Variants in HIP1 observed in about 807,000 individuals in gnomAD.
HIP1 encodes huntingtin interacting protein 1, also known as huntingtin-interacting protein 1.
A neutral mutation model predicts 147.6 loss-of-function variants in HIP1; 65 were observed. The observed-to-expected ratio is 0.44, with a 90% confidence interval of 0.36 to 0.54. The LOEUF (loss-of-function observed/expected upper bound fraction) is 0.54. Ranked by LOEUF, HIP1 falls within the 20% of genes least tolerant of loss-of-function variation. The pLI, the probability that HIP1 is intolerant of heterozygous loss-of-function variation, is 0.00. For synonymous variants in HIP1, 479 were observed against 504.0 expected (o/e 0.95, Z 0.67); for missense variants, 1,061 against 1,299.6 (o/e 0.82, Z 2.82).
At chr7:75,593,897 C>G (rs1291087998) in intron 2 of HIP1, among the ~76,000 whole-genome samples, 1 of 151,940 alleles carries the variant, frequency 6.6e-6, no homozygotes, top group Non-Finnish European at 1.5e-5. Context: ...ACCTTAAATT[C>G]CCCATATATG....
chr7:75,549,372 CTTTTTTTTTT>C (rs60654435), intron 22 of HIP1, among the ~76,000 whole-genome samples: 1 of 121,200 alleles, frequency 8.3e-6, no homozygotes, highest in Non-Finnish European at 1.8e-5. Context: ...CTTTTCTTTT[CTTTTTTTTTT>C]TTTTTTGAGA....
chr7:75,738,676 C>T (rs1211927955), intron 1 of HIP1, 125 bp downstream of exon 1: 10 of 1,196,002 alleles, frequency 8.4e-6, no homozygotes, highest in African/African-American at 1.5e-5. Context: ...TCAATGCCCC[C>T]GCTCACTACA....
chr7:75,722,572 A>G (rs1554521688), intron 1 of HIP1, among the ~76,000 whole-genome samples: 1 of 152,118 alleles, frequency 6.6e-6, no homozygotes, highest in African/African-American at 2.4e-5. Flanking sequence ...GACCACCACC[A>G]TGAGCCTGAG....
At chr7:75,695,847 T>A (rs1800617862) in intron 1 of HIP1, among the ~76,000 whole-genome samples, 1 of 151,924 alleles carries the variant, frequency 6.6e-6, no homozygotes, top group South Asian at 2.1e-4. Context: ...AGTGCTGGGA[T>A]TACAGGCATG....
chr7:75,651,035 G>A (rs574256957), intron 1 of HIP1, among the ~76,000 whole-genome samples: 26 of 152,144 alleles, frequency 1.7e-4, no homozygotes, highest in Admixed American at 1.0e-3. Context: ...TATTCATCCC[G>A]CACATTTCTT....
intron 1 of HIP1, among the ~76,000 whole-genome samples, chr7:75,615,957 G>T (rs1234153877): frequency 6.6e-6 from 1 of 150,536 alleles, no homozygotes; most frequent in Non-Finnish European, 1.5e-5. Context: ...GTGATGGTGC[G>T]CACCTGTAGT....
At chr7:75,549,901 C>T (rs1311765319) in intron 22 of HIP1, among the ~76,000 whole-genome samples, 2 of 150,914 alleles carry the variant, frequency 1.3e-5, no homozygotes, top group African/African-American at 4.9e-5. Flanking sequence ...GTCTTGAATT[C>T]CTGGGCTCAA....
intron 29 of HIP1, among the ~76,000 whole-genome samples, chr7:75,541,064 G>A (rs782246126): frequency 6.7e-6 from 1 of 149,954 alleles, no homozygotes; most frequent in East Asian, 2.0e-4. Flanking sequence ...CAGGAGTTGA[G>A]ACCAGCCTGG....
intron 1 of HIP1, among the ~76,000 whole-genome samples, chr7:75,646,974 T>C (rs1267644876): frequency 1.3e-5 from 2 of 151,878 alleles, no homozygotes; most frequent in Admixed American, 6.6e-5. Flanking sequence ...ATAAGGTGCC[T>C]GGAAGTGGAC....
chr7:75,537,679 A>ACGCCGT lies in HIP1; in HGVS notation c.*492_*493insACGGCG. On this transcript the variant is annotated 3_prime_UTR_variant, in exon 31 of 31. Transcript: ENST00000336926. ...ATCTCAGGGTAGTGTCCTGGTTTGG[A>ACGCCGT]ATCCATCAGCCCTCTGATGCTCACA... is the stretch of plus-strand genomic sequence containing the variant. 1 of 243,440 alleles carries ACGCCGT rather than the reference A, an allele frequency of 4.1e-6. No individual in the cohort carries two copies. The highest frequency in any genetic ancestry group is 8.1e-6 in the Non-Finnish European group (1 of 124,178). 15.1% of individuals were successfully genotyped at this position (243,440 alleles called of 1,614,324 possible).
At position 75,534,439 on chromosome 7, in the gene HIP1, CTTT is replaced by C. The variant is rs782284084; in HGVS notation, c.*3730_*3732del. The C allele has an allele frequency of 1.8e-5, 3 of 167,726 alleles. No homozygotes were observed. The highest frequency in any genetic ancestry group is 3.8e-5 in the Non-Finnish European group (3 of 78,934). The allele number at this position is 167,726 out of a possible 1,614,324, so 10.4% of individuals were successfully genotyped here. ...CTTCTATTTCTTTCTCTCTCTCTCT[CTTT>C]TTTTTTTTTGAGATGGAGTCTCACT... On this transcript the variant is annotated 3_prime_UTR_variant, in exon 31 of 31. Transcript: ENST00000336926.
chr7:75,707,862 T>C (rs1249195898), intron 1 of HIP1, among the ~76,000 whole-genome samples: 7 of 128,598 alleles, frequency 5.4e-5, no homozygotes, highest in Non-Finnish European at 1.1e-4. Flanking sequence ...GGATTCCCTA[T>C]TTAATAAATG....
chr7:75,592,353 C>T lies in HIP1; in HGVS notation c.327+19G>A. On this transcript the variant is annotated intron_variant, in intron 3 of 30. Coordinates refer to ENST00000336926, the MANE Select transcript of HIP1 (RefSeq NM_005338.7). ...AAGGATCCCTGGCTCCCTGCCACCC[C>T]ATAGCCCCAGGAACTCACGTTCGGG... The T allele has an allele frequency of 6.3e-7, 1 of 1,595,912 alleles. No individual in the cohort carries two copies.
At chr7:75,539,488 TATTTA>T in intron 29 of HIP1, 57 bp from the exon 30 acceptor site, 1 of 1,390,216 alleles carries the variant, frequency 7.2e-7, no homozygotes, top group Non-Finnish European at 1.0e-6. Context: ...ATTTAATTTT[TATTTA>T]TTTTTTTATA....
chr7:75,600,130 G>C (rs587667712), intron 1 of HIP1, among the ~76,000 whole-genome samples: 35 of 146,478 alleles, frequency 2.4e-4, no homozygotes, highest in African/African-American at 8.6e-4. Flanking sequence ...TTTCTCTTTT[G>C]AGCGGAGTCT....
chr7:75,738,923 C>A lies in HIP1; in HGVS notation c.-3G>T. 6.5e-7 allele frequency: 1 copy of A among 1,544,938 alleles called. No homozygotes were observed. The highest frequency in any genetic ancestry group is 8.7e-7 in the Non-Finnish European group (1 of 1,146,572). On this transcript the variant is annotated 5_prime_UTR_variant, in exon 1 of 31. Coordinates refer to ENST00000336926, the MANE Select transcript of HIP1 (RefSeq NM_005338.7). ...ATGGAGCTGGCCATCCGATCCATGT[C>A]GCCGCGAGGAGCCGAGTCAGGGGCC... is the stretch of plus-strand genomic sequence containing the variant.
intron 1 of HIP1, among the ~76,000 whole-genome samples, chr7:75,649,706 C>G (rs1308583548): frequency 2.0e-5 from 3 of 152,164 alleles, no homozygotes; most frequent in African/African-American, 7.2e-5. Flanking sequence ...TGAACAACCA[C>G]AGCCAGGACT....
At chr7:75,566,708 G>C (rs1795415067) in intron 9 of HIP1, among the ~76,000 whole-genome samples, 1 of 151,364 alleles carries the variant, frequency 6.6e-6, no homozygotes, top group Non-Finnish European at 1.5e-5. Context: ...CTCAGAAGCA[G>C]GTCATATTTG....
At chr7:75,602,018 T>G (rs374244862) in intron 1 of HIP1, among the ~76,000 whole-genome samples, 1 of 152,000 alleles carries the variant, frequency 6.6e-6, no homozygotes, top group African/African-American at 2.4e-5. Flanking sequence ...TTTTTTCTGT[T>G]TAGACAGAGT....
Sources: gnomAD v4.1 joint callset for allele counts (sites outside exome capture counted in the v4.1 genomes callset) on GRCh38, gnomAD v4.1.1 for gene constraint, MANE v1.5 for transcripts, NCBI Gene and HGNC (gene_info 2026-07-23, HGNC 2026-07-21) for gene names.